The following CUL4B variants were observed in gnomAD, a reference collection of about 807,000 sequenced individuals.
The protein encoded by CUL4B is cullin-4B.
CUL4B carries 1 observed loss-of-function variant against 69.2 expected under a neutral mutation model. The observed-to-expected ratio is 0.01, with a 90% CI of 0.01 to 0.07. The LOEUF is 0.07. Among genes scored for constraint, CUL4B ranks in the 10% least tolerant of loss-of-function variants. The pLI is 1.00. For synonymous variants in CUL4B, 237 were observed against 223.2 expected (o/e 1.06, Z -0.55); for missense variants, 328 against 638.8 (o/e 0.51, Z 5.24).
downstream of CUL4B, among the ~76,000 whole-genome samples, chrX:120,569,454 T>A (rs185887313): frequency 1.2e-4 from 13 of 107,026 alleles, no homozygotes; most frequent in Non-Finnish European, 1.4e-4. Flanking sequence ...TCCGACTCCC[T>A]GGTTCACGCC....
intron 2 of CUL4B, among the ~76,000 whole-genome samples, chrX:120,547,895 T>C (rs1212293243): frequency 3.6e-5 from 4 of 110,786 alleles, no homozygotes; most frequent in Non-Finnish European, 7.5e-5. Flanking sequence ...GGATGCTTCC[T>C]GCCCTCGAAC....
upstream of CUL4B, among the ~76,000 whole-genome samples, chrX:120,566,378 T>TGTATATATATGTATATATAC (rs1556253344): frequency 4.4e-4 from 36 of 81,760 alleles, no homozygotes; most frequent in Non-Finnish European, 5.8e-4. Flanking sequence ...TATATATATA[T>TGTATATATATGTATATATAC]ATATATATAT....
rs184587238 is a variant in CUL4B, at chrX:120,549,877, C to T, written c.673-2638G>A. On this transcript the variant is annotated intron_variant, in intron 2 of 19. Transcript: ENST00000371322. ...TGACTGTTTTCTCAGCATTTCTTATCGCTTTGCTTAGATTCTGTCATATGA... is the reference window on the plus strand; with the variant it reads ...TGACTGTTTTCTCAGCATTTCTTATTGCTTTGCTTAGATTCTGTCATATGA... Among the ~76,000 whole-genome samples, 4 of 112,026 alleles carry T rather than the reference C, an allele frequency of 3.6e-5. No individual in the cohort carries two copies. In the East Asian group the frequency reaches 1.1e-3, roughly 31 times the overall value.
rs1925817889 is a variant in CUL4B, at chrX:120,574,715, C to T, written c.-13-85G>A. On this transcript the variant is annotated intron_variant, in intron 1 of 2. Coordinates refer to the CUL4B transcript ENST00000486604. ...TTATGAATTCATTGACTCTGGTTTC[C>T]CAGCCAATTTTATCCTATTTGTTCC... 6 of 775,883 alleles carry T rather than the reference C, an allele frequency of 7.7e-6. No individual in the cohort carries two copies. The South Asian group carries it at 1.3e-4, about 16-fold the overall frequency. 63.9% of individuals were successfully genotyped at this position (775,883 alleles called of 1,213,427 possible). A position where few individuals can be genotyped will look rare whatever the true frequency, so the allele number is the denominator to read the frequency against.
At chrX:120,572,190 G>A (rs1334998221) in intron 2 of CUL4B, among the ~76,000 whole-genome samples, 1 of 109,710 alleles carries the variant, frequency 9.1e-6, no homozygotes, top group East Asian at 2.9e-4. Flanking sequence ...TTGGCTAGGC[G>A]TGGTAGCTCA....
chrX:120,552,670 GA>G (rs758541097), intron 2 of CUL4B, among the ~76,000 whole-genome samples: 99 of 105,936 alleles, frequency 9.3e-4, no homozygotes, highest in African/African-American at 3.1e-3. Flanking sequence ...AAAAGTGTCT[GA>G]AAAAAAAACA....
At chrX:120,531,436 C>CA (rs1379267047) in intron 18 of CUL4B, among the ~76,000 whole-genome samples, 1 of 108,261 alleles carries the variant, frequency 9.2e-6, no homozygotes, top group African/African-American at 3.4e-5. Flanking sequence ...CAAAAACAAA[C>CA]AAAATATTCA....
At chrX:120,566,480 G>C (rs182970346), downstream of CUL4B, among the ~76,000 whole-genome samples, 642 of 100,523 alleles carry the variant, frequency 6.4e-3, 6 homozygotes, top group African/African-American at 0.022. Flanking sequence ...TCACCACAAC[G>C]TCCACCTCCC....
Position 120,530,270 on chromosome X carries a change from TA to T in CUL4B, c.2440-17del. 1 of 1,203,883 alleles carries T rather than the reference TA, an allele frequency of 8.3e-7. No homozygotes were observed. Among genetic ancestry groups the T allele is most frequent in the Non-Finnish European group, 1.1e-6 (1 of 889,438 alleles). On this transcript the variant is annotated splice_polypyrimidine_tract_variant and intron_variant, in intron 18 of 19. Coordinates refer to ENST00000371322, the MANE Select transcript of CUL4B (RefSeq NM_001079872.2). ...GTTCTTCAACCTAACAAAAAAGTTTTAAACCTAGGAATTATACCAGAAGCAA... is the reference window on the plus strand; with the variant it reads ...GTTCTTCAACCTAACAAAAAAGTTTTAACCTAGGAATTATACCAGAAGCAA...
At chrX:120,551,346 C>T (rs961057558) in intron 2 of CUL4B, among the ~76,000 whole-genome samples, 3 of 109,990 alleles carry the variant, frequency 2.7e-5, no homozygotes, top group African/African-American at 1.0e-4. Context: ...TACAAGCATG[C>T]GCCGCCACAC....
At chrX:120,565,678 A>C (rs1298686349), upstream of CUL4B, among the ~76,000 whole-genome samples, 1 of 96,786 alleles carries the variant, frequency 1.0e-5, no homozygotes, top group Non-Finnish European at 2.1e-5. Flanking sequence ...TGCAAAAAAA[A>C]AAAAAAAAAA....
chrX:120,530,558 ACT>A (rs1394810704), intron 18 of CUL4B, among the ~76,000 whole-genome samples: 1 of 111,577 alleles, frequency 9.0e-6, no homozygotes, highest in Non-Finnish European at 1.9e-5. Context: ...TTGTTTTTTT[ACT>A]CTGTCTTTGA....
rs1302031977 is a variant in CUL4B at position 120,538,760 on chromosome X, A to C, written c.1752T>G (p.Val584=). The part of the protein sequence containing the change: ...IIFRFIYGKD[V]FEAFYKKDLA... The stretch of plus-strand genomic sequence containing the variant: ...AATCTTTCTTATAGAAGGCCTCAAA[A>C]ACATCCTTGCCTATGTAAAAAGAAA... Residue 584 remains valine (V), a synonymous_variant, in exon 13 of 20, where the codon GTT becomes GTG. Transcript: ENST00000371322. The C allele has an allele frequency of 8.4e-7, 1 of 1,185,181 alleles. No homozygotes were observed. The highest frequency in any genetic ancestry group is 1.1e-6 in the Non-Finnish European group (1 of 872,148).
chrX:120,573,547 T>C (rs1301253888), intron 2 of CUL4B, among the ~76,000 whole-genome samples: 2 of 112,176 alleles, frequency 1.8e-5, no homozygotes, highest in Non-Finnish European at 3.8e-5. Context: ...TTCAAAAATG[T>C]TGTGCCAACA....
At chrX:120,537,725 T>C (rs1250020989) in intron 14 of CUL4B, among the ~76,000 whole-genome samples, 1 of 111,594 alleles carries the variant, frequency 9.0e-6, no homozygotes, top group Non-Finnish European at 1.9e-5. Flanking sequence ...TCTTCAAAAC[T>C]GTGGATCTAG....
At chrX:120,547,918 G>A (rs1924434222) in intron 2 of CUL4B, among the ~76,000 whole-genome samples, 1 of 110,584 alleles carries the variant, frequency 9.0e-6, no homozygotes, top group Non-Finnish European at 1.9e-5. Context: ...CAGACTCCAA[G>A]TTCTTCAGTT....
At chrX:120,548,248 T>TG (rs755438047) in intron 2 of CUL4B, among the ~76,000 whole-genome samples, 1 of 110,807 alleles carries the variant, frequency 9.0e-6, no homozygotes, top group Non-Finnish European at 1.9e-5. Flanking sequence ...CACTCTAGCC[T>TG]GGGGACAAAG....
intron 2 of CUL4B, among the ~76,000 whole-genome samples, chrX:120,547,449 CAGGTTT>C (rs1483968841): frequency 2.7e-5 from 3 of 112,238 alleles, no homozygotes; most frequent in African/African-American, 9.7e-5. Context: ...GAACAAATTA[CAGGTTT>C]AGCATCTTTA....
At position 120,558,413 on chromosome X, in the gene CUL4B, T is replaced by C. The variant is rs140116576; in HGVS notation, c.557-374A>G. 4.2e-4 allele frequency among the ~76,000 whole-genome samples: 47 copies of C among 112,117 alleles called. 1 individual carries two copies. The highest frequency in any genetic ancestry group is 1.5e-3 in the African/African-American group (46 of 30,899). On this transcript the variant is annotated intron_variant, in intron 1 of 19. Coordinates refer to ENST00000371322, the MANE Select transcript of CUL4B (RefSeq NM_001079872.2). ...CCTGAGATTTAAAGTACTGTCTATGTGCAAGGTACTTTATAAGCCTCTTAA... is the reference window on the plus strand; with the variant it reads ...CCTGAGATTTAAAGTACTGTCTATGCGCAAGGTACTTTATAAGCCTCTTAA...
Sources: gnomAD v4.1 joint callset for allele counts (sites outside exome capture counted in the v4.1 genomes callset) on GRCh38, gnomAD v4.1.1 for gene constraint, MANE v1.5 for transcripts, NCBI Gene and HGNC (gene_info 2026-07-23, HGNC 2026-07-21) for gene names.